The following LYPLAL1 variants were observed in gnomAD, a reference collection of about 807,000 sequenced individuals.
LYPLAL1 encodes the protein lysophospholipase-like protein 1.
A neutral mutation model predicts 19.7 loss-of-function variants in LYPLAL1; 23 were observed. That is an observed-to-expected ratio of 1.17 (90% CI 0.84 to 1.65). LYPLAL1 has a LOEUF of 1.65. Among genes scored for constraint, LYPLAL1 ranks in the 40% most tolerant of loss-of-function variants. The pLI is 0.00. For synonymous variants in LYPLAL1, 119 were observed against 96.3 expected (o/e 1.24, Z -1.38); for missense variants, 355 against 279.4 (o/e 1.27, Z -1.93).
the LYPLAL1 span, among the ~76,000 whole-genome samples, chr1:219,398,436 T>C: frequency 6.6e-6 from 1 of 152,216 alleles, no homozygotes; most frequent in Non-Finnish European, 1.5e-5. Flanking sequence ...CTGGCTACTT[T>C]GTCTGTCAGC....
the LYPLAL1 span, among the ~76,000 whole-genome samples, chr1:219,412,138 T>C: frequency 6.6e-6 from 1 of 152,134 alleles, no homozygotes; most frequent in East Asian, 1.9e-4. Context: ...AGCCTCAAAC[T>C]CCTGGGCTCA....
chr1:219,245,495 G>C, the LYPLAL1 span, among the ~76,000 whole-genome samples: 1 of 152,230 alleles, frequency 6.6e-6, no homozygotes, highest in East Asian at 1.9e-4. Flanking sequence ...ATGATAAATT[G>C]GAAGAATGAG....
At chr1:219,293,785 T>C in the LYPLAL1 span, among the ~76,000 whole-genome samples, 2 of 152,254 alleles carry the variant, frequency 1.3e-5, no homozygotes, top group Non-Finnish European at 2.9e-5. Context: ...ATAGAATTAA[T>C]GTGTATTGAA....
chr1:219,285,959 T>TAGAGAC, the LYPLAL1 span, among the ~76,000 whole-genome samples: 2 of 152,104 alleles, frequency 1.3e-5, no homozygotes, highest in Admixed American at 6.5e-5. Flanking sequence ...AGATAGAAAT[T>TAGAGAC]AGAGACAGAG....
At chr1:219,437,429 A>G in the LYPLAL1 span, among the ~76,000 whole-genome samples, 1 of 152,118 alleles carries the variant, frequency 6.6e-6, no homozygotes, top group Non-Finnish European at 1.5e-5. Context: ...CAAAGCCAGT[A>G]TCCCAGCTAA....
At chr1:219,251,973 C>T in the LYPLAL1 span, among the ~76,000 whole-genome samples, 3 of 151,926 alleles carry the variant, frequency 2.0e-5, no homozygotes, top group African/African-American at 7.2e-5. Context: ...TTTTGTAATT[C>T]TCATTGTAGA....
At chr1:219,351,736 T>C in the LYPLAL1 span, among the ~76,000 whole-genome samples, 3 of 152,242 alleles carry the variant, frequency 2.0e-5, no homozygotes, top group East Asian at 5.8e-4. Context: ...GAAGATGTTT[T>C]TGATGCACTA....
At chr1:219,220,338 T>G in the LYPLAL1 span, among the ~76,000 whole-genome samples, 1 of 151,824 alleles carries the variant, frequency 6.6e-6, no homozygotes, top group Non-Finnish European at 1.5e-5. Flanking sequence ...AGAATTAAGT[T>G]TAAATATCCT....
At chr1:219,341,513 A>G in the LYPLAL1 span, among the ~76,000 whole-genome samples, 1 of 152,044 alleles carries the variant, frequency 6.6e-6, no homozygotes, top group Non-Finnish European at 1.5e-5. Context: ...ATTTTGAGTC[A>G]ACTTGATAAA....
the LYPLAL1 span, among the ~76,000 whole-genome samples, chr1:219,244,191 A>G: frequency 6.6e-6 from 1 of 152,226 alleles, no homozygotes; most frequent in African/African-American, 2.4e-5. Context: ...CTTCACGATG[A>G]CATAGTTATA....
At chr1:219,279,188 A>T in the LYPLAL1 span, among the ~76,000 whole-genome samples, 1 of 152,220 alleles carries the variant, frequency 6.6e-6, no homozygotes, top group Non-Finnish European at 1.5e-5. Context: ...ATGTTCTTGC[A>T]TCCAGGCAAT....
the LYPLAL1 span, among the ~76,000 whole-genome samples, chr1:219,354,232 T>C: frequency 6.6e-6 from 1 of 152,254 alleles, no homozygotes; most frequent in African/African-American, 2.4e-5. Flanking sequence ...AGTCTTGCTC[T>C]GTCGCCCAGG....
chr1:219,388,840 C>A, the LYPLAL1 span, among the ~76,000 whole-genome samples: 3 of 152,054 alleles, frequency 2.0e-5, no homozygotes, highest in Non-Finnish European at 2.9e-5. Flanking sequence ...GGAGTATGTT[C>A]ATTATTACTT....
chr1:219,284,487 C>T, the LYPLAL1 span, among the ~76,000 whole-genome samples: 2 of 151,836 alleles, frequency 1.3e-5, no homozygotes, highest in Non-Finnish European at 2.9e-5. Context: ...TCATGTAACG[C>T]AATAATATAT....
At chr1:219,334,570 A>C in the LYPLAL1 span, among the ~76,000 whole-genome samples, 1 of 148,446 alleles carries the variant, frequency 6.7e-6, no homozygotes, top group Non-Finnish European at 1.5e-5. Flanking sequence ...TTTAATCTGC[A>C]TTTGCATGGC....
chr1:219,210,090 A>G (rs1357865562), intron 3 of LYPLAL1, among the ~76,000 whole-genome samples: 1 of 152,142 alleles, frequency 6.6e-6, no homozygotes, highest in Non-Finnish European at 1.5e-5. Context: ...CATCTATTAT[A>G]TAGCAAACAC....
intron 3 of LYPLAL1, among the ~76,000 whole-genome samples, chr1:219,201,961 A>G (rs189739986): frequency 2.9e-4 from 44 of 152,272 alleles, no homozygotes; most frequent in African/African-American, 1.1e-3. Flanking sequence ...TTAGTGATCT[A>G]GCTGAACCTC....
the LYPLAL1 span, among the ~76,000 whole-genome samples, chr1:219,351,631 T>C: frequency 1.8e-4 from 27 of 152,186 alleles, no homozygotes; most frequent in Admixed American, 1.6e-3. Flanking sequence ...TAAAAACACA[T>C]CAAGAAGTTG....
chr1:219,376,120 G>A, the LYPLAL1 span, among the ~76,000 whole-genome samples: 1 of 152,066 alleles, frequency 6.6e-6, no homozygotes, highest in Admixed American at 6.5e-5. Context: ...GTCATGTTAT[G>A]TATATTTTAT....
Sources: allele counts gnomAD v4.1 joint callset (sites outside exome capture counted in the v4.1 genomes callset), GRCh38; gene constraint gnomAD v4.1.1; transcripts MANE v1.5; gene names NCBI Gene and HGNC (gene_info 2026-07-23, HGNC 2026-07-21).